ZGRF1: variants seen among roughly 807,000 people sequenced by gnomAD.
ZGRF1 encodes the protein 5'-3' DNA helicase ZGRF1.
A neutral mutation model predicts 203.5 loss-of-function variants in ZGRF1; 196 were observed. The observed-to-expected ratio is 0.96, with a 90% CI of 0.86 to 1.08. ZGRF1 has a LOEUF of 1.08. Ranked by LOEUF, ZGRF1 falls within the 50% of genes least tolerant of loss-of-function variation. The pLI, the probability that ZGRF1 is intolerant of heterozygous loss-of-function variation, is 0.00. For missense variants in ZGRF1, 2,326 were observed against 2,416.3 expected, an observed-to-expected ratio of 0.96 and a Z score of 0.78; for synonymous variants, 809 against 841.3, an observed-to-expected ratio of 0.96 and a Z score of 0.66.
At chr4:112,628,237 C>T (rs903716556) in intron 3 of ZGRF1, among the ~76,000 whole-genome samples, 6 of 152,188 alleles carry the variant, frequency 3.9e-5, no homozygotes, top group Non-Finnish European at 7.3e-5. Context: ...GCAGGTACTT[C>T]GTTAAGGTCT....
intron 16 of ZGRF1, among the ~76,000 whole-genome samples, chr4:112,568,477 G>A (rs9993001): frequency 0.01 from 1,504 of 146,220 alleles, 22 homozygotes; most frequent in African/African-American, 0.036. Flanking sequence ...TTGGGAGGCC[G>A]CGGTGGGTGG....
chr4:112,589,979 C>T (rs1453105266), intron 10 of ZGRF1, 105 bp from the exon 11 acceptor site: 2 of 817,036 alleles, frequency 2.4e-6, no homozygotes, highest in Admixed American at 3.1e-5. Flanking sequence ...TGATTTAAAG[C>T]ACATTATGTA....
In ZGRF1 at chr4:112,562,475, ATGGACAACCAC is replaced by A. The variant is rs763111311; in HGVS notation, c.4583-1_4592del. On this transcript the variant is annotated splice_acceptor_variant and coding_sequence_variant, in exon 18 of 28. Transcript: ENST00000505019. LOFTEE classifies it high-confidence loss of function. The stretch of plus-strand genomic sequence containing the variant: ...TGCTAGCATTACAAACCAATAACGC[ATGGACAACCAC>A]TGTACAGAGGATGCAGAAAATAAAC... 69 of 1,591,956 alleles carry A rather than the reference ATGGACAACCAC, an allele frequency of 4.3e-5. No homozygotes were observed. The highest frequency in any genetic ancestry group is 7.7e-6 in the Non-Finnish European group (9 of 1,162,990).
intron 6 of ZGRF1, among the ~76,000 whole-genome samples, chr4:112,614,182 G>GTATGTTA (rs1326051002): frequency 6.6e-6 from 1 of 152,152 alleles, no homozygotes; most frequent in Admixed American, 6.6e-5. Flanking sequence ...CTTCATAAAA[G>GTATGTTA]TATGTTATAC....
At chr4:112,564,896 G>A (rs1265527223) in intron 16 of ZGRF1, 10 of 649,628 alleles carry the variant, frequency 1.5e-5, no homozygotes, top group African/African-American at 5.5e-5. Context: ...AGCCGCCACC[G>A]CGCCGCCGTC....
chr4:112,557,793 T>C (rs1741225123), intron 20 of ZGRF1, among the ~76,000 whole-genome samples: 1 of 152,186 alleles, frequency 6.6e-6, no homozygotes, highest in Admixed American at 6.5e-5. Flanking sequence ...GAGAAATGTG[T>C]TGGGTAAGAA....
intron 17 of ZGRF1, 49 bp from the exon 18 acceptor site, chr4:112,562,534 C>G: frequency 8.9e-7 from 1 of 1,126,178 alleles, no homozygotes; most frequent in African/African-American, 1.5e-5. Context: ...TAAAATGGAC[C>G]ATAAAAACTC....
intron 16 of ZGRF1, among the ~76,000 whole-genome samples, chr4:112,574,936 T>A (rs1375828699): frequency 1.3e-5 from 2 of 151,140 alleles, no homozygotes; most frequent in Admixed American, 6.6e-5. Context: ...TGAGGCAGAA[T>A]AATCACTTGA....
intron 22 of ZGRF1, among the ~76,000 whole-genome samples, chr4:112,549,557 C>T (rs531051780): frequency 2.0e-5 from 3 of 152,226 alleles, no homozygotes; most frequent in African/African-American, 7.2e-5. Context: ...GAAAAATTCC[C>T]AGCCCTTAGT....
chr4:112,542,840 A>G (rs1261680229), intron 24 of ZGRF1, among the ~76,000 whole-genome samples: 1 of 146,104 alleles, frequency 6.8e-6, no homozygotes, highest in Non-Finnish European at 1.5e-5. Flanking sequence ...TCTTGTTTCA[A>G]AGAGTCAGGA....
chr4:112,585,070 A>C (rs17044828), intron 14 of ZGRF1, among the ~76,000 whole-genome samples: 23,997 of 152,130 alleles, frequency 0.16, 2,183 homozygotes, highest in East Asian at 0.42. Flanking sequence ...ATCTCACTGT[A>C]ACTTGAGCAT....
At chr4:112,625,308 C>T (rs2047198283) in intron 3 of ZGRF1, among the ~76,000 whole-genome samples, 1 of 151,388 alleles carries the variant, frequency 6.6e-6, no homozygotes, top group Non-Finnish European at 1.5e-5. Context: ...AGAAAATCGC[C>T]AGGCGCGGTG....
rs535221377 is a variant in ZGRF1, at chr4:112,603,705, T to C, written c.2803-8A>G. 1 of 1,604,922 alleles carries C rather than the reference T, an allele frequency of 6.2e-7. No homozygotes were observed. The highest frequency in any genetic ancestry group is 1.1e-5 in the South Asian group (1 of 90,286). On this transcript the variant is annotated splice_polypyrimidine_tract_variant and splice_region_variant and intron_variant, in intron 9 of 27. Transcript: ENST00000505019. Reference sequence around the variant, plus strand: ...TCCTTGAAACTCAACAGGCTACAGGTAAATTATTAAAAATAAGAACTGCAT... The same window carrying C: ...TCCTTGAAACTCAACAGGCTACAGGCAAATTATTAAAAATAAGAACTGCAT...
At chr4:112,564,964 GGTAA>G (rs1205597609) in intron 16 of ZGRF1, 8 of 825,040 alleles carry the variant, frequency 9.7e-6, no homozygotes, top group Admixed American at 7.0e-5. Context: ...GGAGAAATGA[GGTAA>G]GTAAGGAGGT....
chr4:112,618,888 T>C lies in ZGRF1; in HGVS notation c.1154A>G (p.Tyr385Cys). 1 of 1,613,832 alleles carries C rather than the reference T, an allele frequency of 6.2e-7. No individual in the cohort carries two copies. Among genetic ancestry groups the C allele is most frequent in the Admixed American group, 1.7e-5 (1 of 60,028 alleles). Residue 385 changes from tyrosine (Y) to cysteine (C), a missense_variant, in exon 6 of 28, where the codon TAT becomes TGT. Physicochemically the swap from Tyr to Cys is radical, Grantham distance 194. Transcript: ENST00000505019. The part of the protein sequence containing the change: ...VETYAEERKK[Y>C]NVDQSVGNND... ...ATTACCGACTGACTGGTCTACATTA[T>C]ACTTTTTCCTCTCTTCAGCATACGT... is the stretch of plus-strand genomic sequence containing the variant.
rs991062907 is a variant in ZGRF1, at chr4:112,633,273, C to G, written c.-66-31G>C. On this transcript the variant is annotated intron_variant, in intron 1 of 27. Transcript: ENST00000505019. ...ATTAAAAATGACATAAAATTTCAAC[C>G]CTGATTTTTAAAAAATATCAAATAT... is the stretch of plus-strand genomic sequence containing the variant. The G allele has an allele frequency of 7.3e-5, 73 of 996,634 alleles. 1 individual carries two copies. Among genetic ancestry groups the G allele is most frequent in the Non-Finnish European group, 1.0e-4 (68 of 651,238 alleles). 61.7% of individuals were successfully genotyped at this position (996,634 alleles called of 1,614,324 possible).
rs763714033 is a variant in ZGRF1, at chr4:112,541,126, G to A, written c.5741C>T (p.Thr1914Ile). 1.9e-5 allele frequency: 31 copies of A among 1,604,434 alleles called. No individual in the cohort carries two copies. In the South Asian group the frequency reaches 2.7e-4, roughly 14 times the overall value. The change falls in exon 25 of 28, where the codon ACC (threonine) becomes ATC (isoleucine). Residue 1914 changes from threonine (T) to isoleucine (I), a missense_variant. Physicochemically the swap from Thr to Ile is moderately conservative, Grantham distance 89 (BLOSUM62 -1). Coordinates refer to ENST00000505019, the MANE Select transcript of ZGRF1 (RefSeq NM_018392.5). ...TCCTTTAACATTATAAAAACACAGG[G>A]TTGGTAGCCATTCCAATAAAGGGCT... ...ERSPLLEWLP[T>I]LCFYNVKGLE... is the part of the protein sequence containing the mutation.
At chr4:112,585,757 T>C in intron 13 of ZGRF1, 32 bp from the exon 14 acceptor site, 1 of 1,488,642 alleles carries the variant, frequency 6.7e-7, no homozygotes, top group Non-Finnish European at 9.0e-7. Context: ...AGCAGAAAAT[T>C]AAATACAAAA....
intron 4 of ZGRF1, among the ~76,000 whole-genome samples, chr4:112,620,635 G>A (rs2047032427): frequency 6.6e-6 from 1 of 152,136 alleles, no homozygotes; most frequent in South Asian, 2.1e-4. Flanking sequence ...AAGGCAGGGG[G>A]ATTGCTTGAA....
Sources: gnomAD v4.1 joint callset for allele counts (sites outside exome capture counted in the v4.1 genomes callset) on GRCh38, gnomAD v4.1.1 for gene constraint, MANE v1.5 for transcripts, NCBI Gene and HGNC (gene_info 2026-07-23, HGNC 2026-07-21) for gene names.